CNTNAP2: variants seen among roughly 807,000 people sequenced by gnomAD.
CNTNAP2 encodes the protein contactin-associated protein-like 2.
Under a neutral mutation model 155.2 loss-of-function variants are expected in CNTNAP2, and 98 were observed. The ratio of observed to expected loss-of-function variants is 0.63; its 90% confidence interval spans 0.54 to 0.75. The LOEUF is 0.75. Ranked by LOEUF, CNTNAP2 falls within the 30% of genes least tolerant of loss-of-function variation. The pLI is 0.00. For synonymous variants in CNTNAP2, 651 were observed against 631.2 expected (o/e 1.03, Z -0.47); for missense variants, 1,727 against 1,688.1 (o/e 1.02, Z -0.40).
At chr7:146,799,452 G>A (rs1802834947) in intron 2 of CNTNAP2, among the ~76,000 whole-genome samples, 1 of 152,302 alleles carries the variant, frequency 6.6e-6, no homozygotes, top group South Asian at 2.1e-4. Flanking sequence ...TTGGTTGAAA[G>A]ATAATTTTCA....
At chr7:146,411,818 A>T (rs541217250) in intron 1 of CNTNAP2, among the ~76,000 whole-genome samples, 1 of 115,132 alleles carries the variant, frequency 8.7e-6, no homozygotes, top group East Asian at 2.2e-4. Flanking sequence ...ATTTTATTTT[A>T]TTTATTTACT....
intron 15 of CNTNAP2, among the ~76,000 whole-genome samples, chr7:148,009,242 C>G (rs1279702762): frequency 6.6e-5 from 10 of 152,098 alleles, no homozygotes; most frequent in Non-Finnish European, 2.9e-5. Flanking sequence ...TAACACAAAG[C>G]CTATTTTGTA....
intron 21 of CNTNAP2, among the ~76,000 whole-genome samples, chr7:148,354,841 G>C (rs1798484673): frequency 1.3e-5 from 2 of 152,102 alleles, no homozygotes; most frequent in South Asian, 4.1e-4. Flanking sequence ...GAGCATGCCT[G>C]GGGACAGACC....
At chr7:146,514,052 C>T (rs1469438483) in intron 1 of CNTNAP2, among the ~76,000 whole-genome samples, 1 of 151,758 alleles carries the variant, frequency 6.6e-6, no homozygotes, top group Non-Finnish European at 1.5e-5. Flanking sequence ...TCCACCTGGC[C>T]TGGTTTTCAC....
At chr7:146,511,857 G>A (rs1361667275) in intron 1 of CNTNAP2, among the ~76,000 whole-genome samples, 1 of 152,016 alleles carries the variant, frequency 6.6e-6, no homozygotes, top group African/African-American at 2.4e-5. Flanking sequence ...ATTGTTATTG[G>A]TTCTTCTTTA....
intron 1 of CNTNAP2, among the ~76,000 whole-genome samples, chr7:146,391,774 G>T (rs10254415): frequency 0.35 from 44,678 of 126,090 alleles, 6,777 homozygotes; most frequent in Admixed American, 0.46. Context: ...TGTTGTTGTT[G>T]TTGGCTAAAT....
At chr7:147,492,122 A>G (rs1306358088) in intron 11 of CNTNAP2, among the ~76,000 whole-genome samples, 1 of 152,160 alleles carries the variant, frequency 6.6e-6, no homozygotes, top group Non-Finnish European at 1.5e-5. Context: ...TCTACAGACC[A>G]GGGTGGGGGA....
chr7:148,009,358 G>T (rs1051878192), intron 15 of CNTNAP2, among the ~76,000 whole-genome samples: 2 of 152,160 alleles, frequency 1.3e-5, no homozygotes, highest in Non-Finnish European at 1.5e-5. Flanking sequence ...AATGCATATG[G>T]CTTTTGCACC....
At chr7:146,760,869 C>T (rs1288815360) in intron 1 of CNTNAP2, among the ~76,000 whole-genome samples, 1 of 151,932 alleles carries the variant, frequency 6.6e-6, no homozygotes, top group African/African-American at 2.4e-5. Flanking sequence ...ATGAAGGAGC[C>T]GTTTCAGTGG....
intron 13 of CNTNAP2, among the ~76,000 whole-genome samples, chr7:147,732,181 T>TCCCCCCCCCCC (rs199519152): frequency 2.6e-3 from 277 of 108,490 alleles, no homozygotes; most frequent in Non-Finnish European, 3.2e-3. Flanking sequence ...ATGCTATCCC[T>TCCCCCCCCCCC]CCCCCCCCCA....
At chr7:146,368,735 A>AT (rs1446500319) in intron 1 of CNTNAP2, among the ~76,000 whole-genome samples, 1 of 151,868 alleles carries the variant, frequency 6.6e-6, no homozygotes, top group African/African-American at 2.4e-5. Context: ...AGTTTTGTTT[A>AT]TTTGTGCACC....
chr7:147,903,842 T>C (rs539335867), intron 14 of CNTNAP2, 121 bp downstream of exon 14: 18 of 1,271,180 alleles, frequency 1.4e-5, no homozygotes, highest in Non-Finnish European at 1.9e-5. Context: ...TAGAAAGGTC[T>C]GGAACTAACC....
At chr7:147,252,412 A>G (rs974592261) in intron 8 of CNTNAP2, among the ~76,000 whole-genome samples, 1 of 152,168 alleles carries the variant, frequency 6.6e-6, no homozygotes, top group Non-Finnish European at 1.5e-5. Flanking sequence ...TCTGTCTCCC[A>G]ACAGGTTTGG....
intron 10 of CNTNAP2, among the ~76,000 whole-genome samples, chr7:147,452,422 C>A (rs1797848353): frequency 6.6e-6 from 1 of 151,996 alleles, no homozygotes; most frequent in South Asian, 2.1e-4. Context: ...TGAGAAATGA[C>A]CTTCATATAA....
rs147202855 is a variant in CNTNAP2 at position 147,955,222 on chromosome 7, A to G, written c.2256-22640A>G. Among the ~76,000 whole-genome samples the G allele has an allele frequency of 2.6e-3, 391 of 152,362 alleles. 1 individual carries two copies. The highest frequency in any genetic ancestry group is 9.2e-3 in the African/African-American group (384 of 41,594). On this transcript the variant is annotated intron_variant, in intron 14 of 23. Transcript: ENST00000361727. ...TGATAGTCATCAAAATTGAAGATCC[A>G]AAAAGCTTTTATTTTTATGAGTTTT... is the stretch of plus-strand genomic sequence containing the variant.
At chr7:146,850,991 T>G (rs1329557420) in intron 3 of CNTNAP2, among the ~76,000 whole-genome samples, 4 of 152,082 alleles carry the variant, frequency 2.6e-5, no homozygotes, top group Non-Finnish European at 4.4e-5. Flanking sequence ...TATTTTTTAT[T>G]TTTATTTTTT....
chr7:148,167,723 T>C (rs773867881), intron 17 of CNTNAP2, among the ~76,000 whole-genome samples: 2 of 152,118 alleles, frequency 1.3e-5, no homozygotes, highest in Admixed American at 1.3e-4. Flanking sequence ...AGAGAGACTA[T>C]GTAATTTGAT....
intron 11 of CNTNAP2, among the ~76,000 whole-genome samples, chr7:147,515,950 A>G (rs1799118979): frequency 6.6e-6 from 1 of 151,778 alleles, no homozygotes; most frequent in South Asian, 2.1e-4. Flanking sequence ...GGTATGATAT[A>G]CTGATACTGA....
chr7:146,580,993 C>G (rs918499910), intron 1 of CNTNAP2, among the ~76,000 whole-genome samples: 14 of 152,138 alleles, frequency 9.2e-5, no homozygotes, highest in African/African-American at 3.4e-4. Context: ...GCTGATAGAA[C>G]CACTTGTCAA....
Sources: gnomAD v4.1 joint callset for allele counts (sites outside exome capture counted in the v4.1 genomes callset) on GRCh38, gnomAD v4.1.1 for gene constraint, MANE v1.5 for transcripts, NCBI Gene and HGNC (gene_info 2026-07-23, HGNC 2026-07-21) for gene names.